Variants in TMEM217B observed in about 807,000 individuals in gnomAD.
TMEM217B encodes the protein transmembrane protein 217B.
chr6:37,218,143 C>A, the TMEM217B span: 1 of 1,121,400 alleles, frequency 8.9e-7, no homozygotes, highest in Non-Finnish European at 1.1e-6. Context: ...AACATGATTG[C>A]TTATAGTGGT....
At chr6:37,231,300 C>T in the TMEM217B span, among the ~76,000 whole-genome samples, 32 of 147,102 alleles carry the variant, frequency 2.2e-4, no homozygotes, top group Non-Finnish European at 4.0e-4. Context: ...GAACTCCTGA[C>T]CTCAAGTGAT....
chr6:37,237,551 T>C, the TMEM217B span, among the ~76,000 whole-genome samples: 1 of 152,208 alleles, frequency 6.6e-6, no homozygotes, highest in Non-Finnish European at 1.5e-5. Flanking sequence ...TAGAATCATA[T>C]GCAAAGCTTG....
At chr6:37,229,406 G>A in the TMEM217B span, among the ~76,000 whole-genome samples, 189 of 146,070 alleles carry the variant, frequency 1.3e-3, 6 homozygotes, top group Admixed American at 0.012. Context: ...GCAGCGGCGC[G>A]ATCTCGGCTC....
At chr6:37,214,770 C>G in the TMEM217B span, among the ~76,000 whole-genome samples, 2 of 152,192 alleles carry the variant, frequency 1.3e-5, no homozygotes, top group African/African-American at 4.8e-5. Context: ...TCTCCACCAT[C>G]CTCCCAACCC....
the TMEM217B span, among the ~76,000 whole-genome samples, chr6:37,230,668 C>A: frequency 1.1e-3 from 173 of 152,272 alleles, no homozygotes; most frequent in Non-Finnish European, 2.0e-3. Flanking sequence ...ACACCTTGAT[C>A]TCAGAATTCA....
the TMEM217B span, among the ~76,000 whole-genome samples, chr6:37,229,594 C>G: frequency 5.3e-5 from 8 of 151,962 alleles, no homozygotes; most frequent in Non-Finnish European, 1.0e-4. Context: ...CACCCGCCTC[C>G]GCCTCCCAAA....
chr6:37,255,714 T>C, the TMEM217B span, among the ~76,000 whole-genome samples: 1 of 147,444 alleles, frequency 6.8e-6, no homozygotes, highest in African/African-American at 2.5e-5. Context: ...CTCTGGTTGG[T>C]ATATGGGGAA....
the TMEM217B span, chr6:37,215,391 A>G: frequency 7.7e-7 from 1 of 1,302,542 alleles, no homozygotes; most frequent in Middle Eastern, 2.9e-4. Context: ...TCTAGCCAAC[A>G]TGGTGAAACC....
chr6:37,232,987 T>C, the TMEM217B span, among the ~76,000 whole-genome samples: 24 of 151,814 alleles, frequency 1.6e-4, no homozygotes, highest in Non-Finnish European at 2.9e-4. Context: ...CTCACTGTGG[T>C]TCTGCTGCCA....
the TMEM217B span, among the ~76,000 whole-genome samples, chr6:37,252,106 C>T: frequency 3.9e-5 from 6 of 152,098 alleles, no homozygotes; most frequent in African/African-American, 1.2e-4. Context: ...TTGGTCAGGC[C>T]GGTCTCGAAC....
the TMEM217B span, among the ~76,000 whole-genome samples, chr6:37,228,914 G>A: frequency 6.9e-6 from 1 of 145,120 alleles, no homozygotes; most frequent in Non-Finnish European, 1.5e-5. Context: ...GGAGAATGGC[G>A]TGAACCTGGG....
At chr6:37,215,445 C>T in the TMEM217B span, among the ~76,000 whole-genome samples, 314 of 151,572 alleles carry the variant, frequency 2.1e-3, no homozygotes, top group Admixed American at 5.4e-3. Flanking sequence ...CATGGTGGCA[C>T]GCGCCAACTA....
chr6:37,257,640 C>A, the TMEM217B span: 3 of 459,416 alleles, frequency 6.5e-6, no homozygotes, highest in African/African-American at 6.1e-5. Context: ...CCTTCCCCGT[C>A]CACCTGTGTG....
At chr6:37,225,805 G>C in the TMEM217B span, among the ~76,000 whole-genome samples, 7 of 152,146 alleles carry the variant, frequency 4.6e-5, no homozygotes. Context: ...CATGACCAAC[G>C]GGATGCAAAT....
At chr6:37,214,440 T>G in the TMEM217B span, among the ~76,000 whole-genome samples, 2 of 152,212 alleles carry the variant, frequency 1.3e-5, no homozygotes, top group African/African-American at 2.4e-5. Flanking sequence ...TTGGCCAGGC[T>G]GGTCTTGAAC....
At chr6:37,254,361 G>A in the TMEM217B span, among the ~76,000 whole-genome samples, 2 of 152,116 alleles carry the variant, frequency 1.3e-5, no homozygotes, top group Non-Finnish European at 2.9e-5. Flanking sequence ...CCTCTTGCTG[G>A]GCAAGGGTGG....
chr6:37,216,501 G>T, the TMEM217B span, among the ~76,000 whole-genome samples: 1 of 152,326 alleles, frequency 6.6e-6, no homozygotes, highest in South Asian at 2.1e-4. Context: ...AAGTAAGGCA[G>T]CAGAGGGATG....
the TMEM217B span, among the ~76,000 whole-genome samples, chr6:37,252,635 ATATTTTTTTTT>A: frequency 2.2e-3 from 135 of 60,382 alleles, no homozygotes; most frequent in Middle Eastern, 0.011. Flanking sequence ...ATATATATAT[ATATTTTTTTTT>A]TTTTTTTTTT....
chr6:37,219,001 A>C, the TMEM217B span: 1 of 1,614,024 alleles, frequency 6.2e-7, no homozygotes. Context: ...CCATTTTGGC[A>C]GTCATCCCAC....
Sources: gnomAD v4.1 joint callset for allele counts (sites outside exome capture counted in the v4.1 genomes callset) on GRCh38, gnomAD v4.1.1 for gene constraint, MANE v1.5 for transcripts, NCBI Gene and HGNC (gene_info 2026-07-23, HGNC 2026-07-21) for gene names.